The following DCDC1 variants were observed in gnomAD, a reference collection of about 807,000 sequenced individuals.
DCDC1 encodes doublecortin domain containing 1.
In DCDC1, 200 loss-of-function variants were observed where a neutral mutation model predicts 178.3. That is an observed-to-expected ratio of 1.12 (90% CI 1.00 to 1.26). DCDC1 has a LOEUF of 1.26. Ranked by LOEUF, DCDC1 falls within the 50% of genes most tolerant of loss-of-function variation. The probability of loss-of-function intolerance (pLI) is 0.00; values close to 1 mark genes in which losing one functional copy is unlikely to be tolerated. For synonymous variants in DCDC1, 690 were observed against 604.8 expected (o/e 1.14, Z -2.07); for missense variants, 1,983 against 1,749.2 (o/e 1.13, Z -2.38).
chr11:30,965,548 T>G (rs75223968), intron 20 of DCDC1, among the ~76,000 whole-genome samples: 1 of 151,812 alleles, frequency 6.6e-6, no homozygotes. Context: ...TTTTTTTTTT[T>G]GTTCATAGAT....
intron 1 of DCDC1, among the ~76,000 whole-genome samples, chr11:31,364,836 T>C (rs1951880883): frequency 6.7e-6 from 1 of 149,126 alleles, no homozygotes; most frequent in Non-Finnish European, 1.5e-5. Context: ...TGTTAATCTG[T>C]CAAAAAAAAA....
At chr11:31,342,375 C>T (rs1950597022) in intron 1 of DCDC1, among the ~76,000 whole-genome samples, 1 of 152,116 alleles carries the variant, frequency 6.6e-6, no homozygotes, top group South Asian at 2.1e-4. Flanking sequence ...CAGCCTCAGT[C>T]TTCTTTTGTG....
intron 20 of DCDC1, among the ~76,000 whole-genome samples, chr11:31,014,224 T>C (rs1007102820): frequency 6.6e-6 from 1 of 152,042 alleles, no homozygotes; most frequent in Non-Finnish European, 1.5e-5. Context: ...TCTCTTTCTC[T>C]TTTTCTCCCC....
Position 31,010,724 on chromosome 11 carries a change from G to A in DCDC1, c.2591+53745C>T, listed in dbSNP as rs138543216. ...CCTAACCAAATTTCTAGTGAAAAAT[G>A]TTTTTAATGAGAAATACTGTAAATG... On this transcript the variant is annotated intron_variant, in intron 20 of 38. Transcript: ENST00000684477. Among the ~76,000 whole-genome samples the A allele has an allele frequency of 2.9e-3, 436 of 152,192 alleles. 6 individuals are homozygous for A. Among genetic ancestry groups the A allele is most frequent in the African/African-American group, 9.9e-3 (409 of 41,522 alleles).
chr11:30,888,104 AAG>A (rs1158579334), intron 36 of DCDC1, among the ~76,000 whole-genome samples: 6,784 of 101,028 alleles, frequency 0.067, 204 homozygotes, highest in Non-Finnish European at 0.078. Flanking sequence ...AAGAAAAAGA[AAG>A]AAAGAAAGAA....
chr11:31,222,126 G>A (rs938024662), intron 9 of DCDC1, among the ~76,000 whole-genome samples: 4 of 152,048 alleles, frequency 2.6e-5, no homozygotes, highest in Admixed American at 2.0e-4. Flanking sequence ...GCAGTGGTGT[G>A]ATGTCGGCTC....
chr11:30,915,042 G>A lies in DCDC1; in HGVS notation c.3653+469C>T, dbSNP rs868843494. 4.3e-4 allele frequency among the ~76,000 whole-genome samples: 65 copies of A among 152,308 alleles called. 1 individual carries two copies. The highest frequency in any genetic ancestry group is 1.5e-3 in the African/African-American group (64 of 41,568). On this transcript the variant is annotated intron_variant, in intron 27 of 38. Transcript: ENST00000684477. ...GATATATTTGCTAAGATAGGAATTA[G>A]TTTATACTGCGTGAGTGGAAACCAC...
At chr11:30,964,651 G>A (rs1247227957) in intron 20 of DCDC1, among the ~76,000 whole-genome samples, 1 of 152,074 alleles carries the variant, frequency 6.6e-6, no homozygotes, top group Admixed American at 6.6e-5. Context: ...ATCATGTTAA[G>A]ATTATTTTTT....
At chr11:31,040,900 T>G (rs566356199) in intron 20 of DCDC1, among the ~76,000 whole-genome samples, 1 of 152,234 alleles carries the variant, frequency 6.6e-6, no homozygotes. Flanking sequence ...GGGGTTGATG[T>G]GGTGAAGCAC....
At chr11:31,338,981 A>G (rs1261720785) in intron 1 of DCDC1, among the ~76,000 whole-genome samples, 1 of 152,128 alleles carries the variant, frequency 6.6e-6, no homozygotes, top group Non-Finnish European at 1.5e-5. Context: ...ACCCATCCTC[A>G]ATGTAAACTT....
At chr11:31,162,770 A>G (rs1966424794) in intron 9 of DCDC1, among the ~76,000 whole-genome samples, 1 of 152,188 alleles carries the variant, frequency 6.6e-6, no homozygotes, top group East Asian at 1.9e-4. Flanking sequence ...ATCATTCTAC[A>G]AAACAACTGC....
At chr11:31,015,837 C>T (rs1448187553) in intron 20 of DCDC1, among the ~76,000 whole-genome samples, 3 of 152,094 alleles carry the variant, frequency 2.0e-5, no homozygotes, top group Non-Finnish European at 2.9e-5. Context: ...GTAAAGGGCC[C>T]GAGTGGAGAC....
chr11:31,062,285 C>A (rs1381222453), intron 20 of DCDC1, among the ~76,000 whole-genome samples: 2 of 152,086 alleles, frequency 1.3e-5, no homozygotes, highest in Non-Finnish European at 2.9e-5. Context: ...CCAAATAAGC[C>A]TAGAGAGGCC....
rs1164921241 is a variant in DCDC1, at chr11:31,156,281, T to A, written c.1222-18497A>T. Among the ~76,000 whole-genome samples the A allele has an allele frequency of 2.0e-5, 3 of 152,232 alleles. No individual in the cohort carries two copies. The East Asian group carries it at 5.8e-4, about 29-fold the overall frequency. Reference sequence around the variant, plus strand: ...GAATAACATTTCACTTAATTAGAGTTCAAAGCTAATGTTTCCTATCATCGA... The same window carrying A: ...GAATAACATTTCACTTAATTAGAGTACAAAGCTAATGTTTCCTATCATCGA... On this transcript the variant is annotated intron_variant, in intron 9 of 38. Coordinates refer to ENST00000684477, the MANE Select transcript of DCDC1 (RefSeq NM_001387274.1).
Position 31,055,847 on chromosome 11 carries a change from G to A in DCDC1, c.2591+8622C>T, listed in dbSNP as rs749793507. 2.0e-5 allele frequency among the ~76,000 whole-genome samples: 3 copies of A among 152,128 alleles called. No individual in the cohort carries two copies. In the East Asian group the frequency reaches 5.8e-4, roughly 29 times the overall value. On this transcript the variant is annotated intron_variant, in intron 20 of 38. Coordinates refer to ENST00000684477, the MANE Select transcript of DCDC1 (RefSeq NM_001387274.1). ...GGATACAATGGACTTTGGGTACTTG[G>A]GGGGAAGGATGGGAGTGGGGTGAGG...
chr11:30,916,044 T>C (rs919098892), intron 26 of DCDC1, among the ~76,000 whole-genome samples: 1 of 152,044 alleles, frequency 6.6e-6, no homozygotes, highest in Non-Finnish European at 1.5e-5. Flanking sequence ...AGTAAGAGAA[T>C]GGGGGCAGGG....
At chr11:31,280,398 G>C (rs1472581668) in intron 7 of DCDC1, among the ~76,000 whole-genome samples, 1 of 152,154 alleles carries the variant, frequency 6.6e-6, no homozygotes, top group Admixed American at 6.6e-5. Context: ...TTGTGAAAAG[G>C]TGAAAATTAT....
In DCDC1 at chr11:30,899,934, CT is replaced by C. The variant is rs1265824801; in HGVS notation, c.4664-293del. ...CAAACTATTTGGAGGTGATGAAAGC[CT>C]GGCTTGGAACCATTCATTTTTTAAA... On this transcript the variant is annotated intron_variant, in intron 33 of 38. Coordinates refer to ENST00000684477, the MANE Select transcript of DCDC1 (RefSeq NM_001387274.1). Among the ~76,000 whole-genome samples, 5 of 152,228 alleles carry C rather than the reference CT, an allele frequency of 3.3e-5. No homozygotes were observed. In the East Asian group the frequency reaches 9.6e-4, roughly 29 times the overall value.
At chr11:30,999,932 T>C (rs1951478782) in intron 20 of DCDC1, among the ~76,000 whole-genome samples, 1 of 152,236 alleles carries the variant, frequency 6.6e-6, no homozygotes, top group South Asian at 2.1e-4. Flanking sequence ...CTTGACTCGT[T>C]CTCCCCTTTA....
Sources: allele counts gnomAD v4.1 joint callset (sites outside exome capture counted in the v4.1 genomes callset), GRCh38; gene constraint gnomAD v4.1.1; transcripts MANE v1.5; gene names NCBI Gene and HGNC (gene_info 2026-07-23, HGNC 2026-07-21).